The following MGAM variants were observed in gnomAD, a reference collection of about 807,000 sequenced individuals.
The protein encoded by MGAM is maltase-glucoamylase, also known as alpha-1,4-glucosidase.
MGAM carries 253 observed loss-of-function variants against 358.8 expected under a neutral mutation model. The observed-to-expected ratio is 0.71, with a 90% CI of 0.64 to 0.78. The LOEUF (loss-of-function observed/expected upper bound fraction) is 0.78, where lower values mean the gene tolerates loss of function less well. Among genes scored for constraint, MGAM ranks in the 30% least tolerant of loss-of-function variants. The probability of loss-of-function intolerance (pLI) is 0.00; values close to 1 mark genes in which losing one functional copy is unlikely to be tolerated. For synonymous variants in MGAM, 1,105 were observed against 1,227.1 expected (o/e 0.90, Z 2.08); for missense variants, 3,080 against 3,432.6 (o/e 0.90, Z 2.57).
At chr7:142,029,104 C>T (rs1807222463) in intron 10 of MGAM, among the ~76,000 whole-genome samples, 1 of 152,130 alleles carries the variant, frequency 6.6e-6, no homozygotes. Context: ...GTAATCCCAG[C>T]ACTTGGGAAG....
rs145058817 is a variant in MGAM at position 142,069,959 on chromosome 7, C to T, written c.5062-1035C>T. Among the ~76,000 whole-genome samples, 892 of 145,300 alleles carry T rather than the reference C, an allele frequency of 6.1e-3. 37 individuals carry two copies. Among genetic ancestry groups the T allele is most frequent in the African/African-American group, 0.02 (825 of 41,062 alleles). Reference sequence around the variant, plus strand: ...CTGTAATCCCAGGACTTTGGGAGGCCGAGATGGACAGATCACAAGGTCAGG... The same window carrying T: ...CTGTAATCCCAGGACTTTGGGAGGCTGAGATGGACAGATCACAAGGTCAGG... On this transcript the variant is annotated intron_variant, in intron 43 of 70. Transcript: ENST00000475668.
chr7:142,032,832 A>G lies in MGAM; in HGVS notation c.1592A>G (p.Asn531Ser). ...TTGCTCTTTGTCTTGTAGGATATGA[A>G]TGAAGTCTCCAACTTTGTTGATGGT... ...VEFDGIWIDM[N>S]EVSNFVDGSV... The change falls in exon 14 of 71, where the codon AAT becomes AGT. Residue 531 changes from asparagine to serine, a missense_variant. This residue lies in a region of MGAM where 1,816 missense variants were observed against 1,840.5 expected (regional missense o/e 0.99). Coordinates refer to ENST00000475668, the MANE Select transcript of MGAM (RefSeq NM_001365693.1). The G allele has an allele frequency of 6.2e-7, 1 of 1,608,820 alleles. No homozygotes were observed. The highest frequency in any genetic ancestry group is 8.5e-7 in the Non-Finnish European group (1 of 1,177,058).
intron 8 of MGAM, 117 bp downstream of exon 8, chr7:142,025,266 G>A (rs892674458): frequency 5.6e-6 from 4 of 717,654 alleles, no homozygotes; most frequent in South Asian, 3.7e-5. Context: ...GTGTAGGGAG[G>A]GCCTTATAGA....
At chr7:142,011,903 C>T (rs1554454456) in intron 3 of MGAM, among the ~76,000 whole-genome samples, 1 of 152,050 alleles carries the variant, frequency 6.6e-6, no homozygotes, top group African/African-American at 2.4e-5. Flanking sequence ...AGTGGCCAGC[C>T]TAACAAGCTA....
At chr7:142,085,446 C>T (rs184203158) in intron 54 of MGAM, among the ~76,000 whole-genome samples, 2 of 145,502 alleles carry the variant, frequency 1.4e-5, no homozygotes, top group African/African-American at 4.9e-5. Context: ...TGTATTAGCC[C>T]TGGGTAGTTA....
intron 3 of MGAM, among the ~76,000 whole-genome samples, chr7:142,013,833 T>C (rs1329168103): frequency 1.5e-4 from 23 of 152,338 alleles, no homozygotes; most frequent in Non-Finnish European, 4.4e-5. Flanking sequence ...TCTGTTTTCC[T>C]GTAACAGTAG....
At chr7:142,092,941 T>C (rs1419456805) in intron 59 of MGAM, among the ~76,000 whole-genome samples, 1 of 146,510 alleles carries the variant, frequency 6.8e-6, no homozygotes, top group Non-Finnish European at 1.5e-5. Context: ...TGGGTGGAAA[T>C]TATTGGCTTG....
Position 142,021,470 on chromosome 7 carries a change from A to G in MGAM, c.559-116A>G, listed in dbSNP as rs141389958. ...GTTTGGTAACATAATGAGTACATCTACCTAAGATATGAGGTCAGTTTGATC... is the reference window on the plus strand; with the variant it reads ...GTTTGGTAACATAATGAGTACATCTGCCTAAGATATGAGGTCAGTTTGATC... On this transcript the variant is annotated intron_variant, in intron 5 of 70. Transcript: ENST00000475668. 2.0e-4 allele frequency: 203 copies of G among 1,024,738 alleles called. No individual in the cohort carries two copies. The African/African-American group carries it at 3.0e-3, about 15-fold the overall frequency. 63.5% of individuals were successfully genotyped at this position (1,024,738 alleles called of 1,614,324 possible). A position where few individuals can be genotyped will look rare whatever the true frequency, so the allele number is the denominator to read the frequency against.
At position 142,039,049 on chromosome 7, in the gene MGAM, C is replaced by T. The variant is rs1427802401; in HGVS notation, c.2316+434C>T. On this transcript the variant is annotated intron_variant, in intron 19 of 70. Coordinates refer to ENST00000475668, the MANE Select transcript of MGAM (RefSeq NM_001365693.1). ...CATGGAGGAAGGTGAAGAGGAGCAGCGATGTCATATAGCAAAAGCAGGAAC... is the reference window on the plus strand; with the variant it reads ...CATGGAGGAAGGTGAAGAGGAGCAGTGATGTCATATAGCAAAAGCAGGAAC... Among the ~76,000 whole-genome samples, 4 of 150,482 alleles carry T rather than the reference C, an allele frequency of 2.7e-5. No homozygotes were observed. In the East Asian group the frequency reaches 5.8e-4, roughly 22 times the overall value.
At position 142,084,446 on chromosome 7, in the gene MGAM, T is replaced by C. The variant is rs1814586409; in HGVS notation, c.6382-73T>C. 4 of 1,455,796 alleles carry C rather than the reference T, an allele frequency of 2.7e-6. No homozygotes were observed. The Admixed American group carries it at 7.1e-5, about 26-fold the overall frequency. 90.2% of individuals were successfully genotyped at this position (1,455,796 alleles called of 1,614,324 possible). A position where few individuals can be genotyped will look rare whatever the true frequency, so the allele number is the denominator to read the frequency against. On this transcript the variant is annotated intron_variant, in intron 53 of 70. Transcript: ENST00000475668. ...TCTAGCTTGGGGCACAGAAAAATAT[T>C]CTTATTACTTGATGTAAAACTTCAA...
At chr7:142,035,955 A>C (rs1481517662) in intron 16 of MGAM, among the ~76,000 whole-genome samples, 2 of 152,192 alleles carry the variant, frequency 1.3e-5, no homozygotes, top group African/African-American at 4.8e-5. Context: ...CTCACTGACA[A>C]AATGAGGAAA....
In MGAM at chr7:142,046,391, C is replaced by A. The variant is rs569279417; in HGVS notation, c.2499-1394C>A. ...TTTTTAAGCTGTGATAATCTTATAA[C>A]TGTGGGTCTCATTCCTCCAGAGATG... On this transcript the variant is annotated intron_variant, in intron 21 of 70. Transcript: ENST00000475668. 3.3e-5 allele frequency among the ~76,000 whole-genome samples: 5 copies of A among 151,812 alleles called. No individual in the cohort carries two copies. The South Asian group carries it at 1.0e-3, about 32-fold the overall frequency.
chr7:142,015,306 A>G (rs1232910821), intron 3 of MGAM, among the ~76,000 whole-genome samples: 1 of 152,056 alleles, frequency 6.6e-6, no homozygotes, highest in African/African-American at 2.4e-5. Flanking sequence ...TGTTGCAAAT[A>G]TTTACTGTTA....
At chr7:142,046,182 T>C (rs1280483868) in intron 21 of MGAM, among the ~76,000 whole-genome samples, 1 of 147,586 alleles carries the variant, frequency 6.8e-6, no homozygotes, top group Non-Finnish European at 1.5e-5. Flanking sequence ...GTTTTGTTTT[T>C]TGCTCCTTAG....
At chr7:142,064,891 C>T (rs1812570544) in intron 37 of MGAM, among the ~76,000 whole-genome samples, 1 of 151,998 alleles carries the variant, frequency 6.6e-6, no homozygotes, top group Non-Finnish European at 1.5e-5. Flanking sequence ...CAAAGTGAAT[C>T]ATCTTTGGAG....
chr7:142,101,827 G>A (rs1816466061), intron 68 of MGAM, among the ~76,000 whole-genome samples: 2 of 151,618 alleles, frequency 1.3e-5, no homozygotes, highest in Non-Finnish European at 2.9e-5. Context: ...AGAATTGCTT[G>A]TACCCGGGAG....
chr7:141,989,811 C>G (rs1272505155), intron 2 of MGAM, among the ~76,000 whole-genome samples: 1 of 152,150 alleles, frequency 6.6e-6, no homozygotes, highest in African/African-American at 2.4e-5. Flanking sequence ...AAAGATTTAT[C>G]TTGAATGAAA....
intron 8 of MGAM, among the ~76,000 whole-genome samples, chr7:142,026,339 A>G (rs1554460948): frequency 6.6e-6 from 1 of 152,208 alleles, no homozygotes; most frequent in Non-Finnish European, 1.5e-5. Context: ...GTCAGAGAGG[A>G]GAAACTTTTC....
chr7:142,041,406 G>A (rs958558235), intron 21 of MGAM, among the ~76,000 whole-genome samples: 2 of 151,944 alleles, frequency 1.3e-5, no homozygotes, highest in Non-Finnish European at 2.9e-5. Context: ...TTTCCAAGTT[G>A]TAGACTTTTT....
Sources: gnomAD v4.1 joint callset for allele counts (sites outside exome capture counted in the v4.1 genomes callset) on GRCh38, gnomAD v4.1.1 for gene constraint, gnomAD v4.1.1 regional missense constraint, MANE v1.5 for transcripts, NCBI Gene and HGNC (gene_info 2026-07-23, HGNC 2026-07-21) for gene names.